The following RCOR1 variants were observed in gnomAD, a reference collection of about 807,000 sequenced individuals.
RCOR1 encodes the protein REST corepressor.
A neutral mutation model predicts 64.0 loss-of-function variants in RCOR1; 12 were observed. The ratio of observed to expected loss-of-function variants is 0.19; its 90% confidence interval spans 0.12 to 0.30. The LOEUF (loss-of-function observed/expected upper bound fraction) is 0.30. Among genes scored for constraint, RCOR1 ranks in the 10% least tolerant of loss-of-function variants. The pLI, the probability that RCOR1 is intolerant of heterozygous loss-of-function variation, is 1.00. For missense variants in RCOR1, 502 were observed against 621.2 expected (o/e 0.81, Z 2.04); for synonymous variants, 279 against 227.2 (o/e 1.23, Z -2.05).
chr14:102,593,756 C>T (rs1337654367), intron 2 of RCOR1, among the ~76,000 whole-genome samples: 1 of 152,206 alleles, frequency 6.6e-6, no homozygotes, highest in Non-Finnish European at 1.5e-5. Flanking sequence ...TTCCCAAAGG[C>T]TGCTCCCCAC....
intron 2 of RCOR1, among the ~76,000 whole-genome samples, chr14:102,625,035 T>TA (rs149082514): frequency 0.036 from 5,366 of 149,550 alleles, 319 homozygotes; most frequent in African/African-American, 0.12. Context: ...CCTGGCTAAT[T>TA]AAAAAAGAAA....
At chr14:102,700,810 T>C (rs1895741334) in intron 3 of RCOR1, among the ~76,000 whole-genome samples, 1 of 152,014 alleles carries the variant, frequency 6.6e-6, no homozygotes, top group Non-Finnish European at 1.5e-5. Flanking sequence ...TTTAGTCTTG[T>C]ACAGGACAAG....
At chr14:102,667,488 G>A (rs748021257) in intron 2 of RCOR1, among the ~76,000 whole-genome samples, 3 of 151,916 alleles carry the variant, frequency 2.0e-5, no homozygotes, top group Non-Finnish European at 2.9e-5. Context: ...GCAACAGAGT[G>A]AGACTCTGTC....
rs181425633 is a variant in RCOR1 at position 102,695,134 on chromosome 14, T to G, written c.446-6144T>G. Among the ~76,000 whole-genome samples the G allele has an allele frequency of 1.6e-3, 249 of 152,312 alleles. 1 individual carries two copies. Among genetic ancestry groups the G allele is most frequent in the African/African-American group, 5.6e-3 (232 of 41,568 alleles). On this transcript the variant is annotated intron_variant, in intron 3 of 11. Coordinates refer to ENST00000262241, the MANE Select transcript of RCOR1 (RefSeq NM_015156.4). ...TTTCATCTGCATTTCTCCCTTCTTT[T>G]GCACTTGAGACTTACTGAGGGTACT... is the stretch of plus-strand genomic sequence containing the variant.
intron 2 of RCOR1, among the ~76,000 whole-genome samples, chr14:102,641,902 T>A (rs1894377459): frequency 6.6e-6 from 1 of 152,176 alleles, no homozygotes; most frequent in African/African-American, 2.4e-5. Flanking sequence ...GTATCTTCAT[T>A]TATTACCTTT....
intron 2 of RCOR1, among the ~76,000 whole-genome samples, chr14:102,602,487 T>C (rs985459920): frequency 2.7e-5 from 4 of 147,968 alleles, no homozygotes; most frequent in Non-Finnish European, 4.5e-5. Context: ...CACTGTAACC[T>C]CCGCCTCCCC....
intron 3 of RCOR1, among the ~76,000 whole-genome samples, chr14:102,698,996 G>A (rs540323000): frequency 6.6e-6 from 1 of 151,976 alleles, no homozygotes; most frequent in East Asian, 1.9e-4. Flanking sequence ...TTGGCTCACT[G>A]CAACCTCAGC....
At chr14:102,621,651 G>A (rs1893875915) in intron 2 of RCOR1, among the ~76,000 whole-genome samples, 1 of 152,040 alleles carries the variant, frequency 6.6e-6, no homozygotes, top group African/African-American at 2.4e-5. Context: ...CTCAACAAGG[G>A]TAGGGCTCTT....
At chr14:102,694,136 C>T (rs1394332693) in intron 3 of RCOR1, among the ~76,000 whole-genome samples, 5 of 152,218 alleles carry the variant, frequency 3.3e-5, no homozygotes, top group African/African-American at 1.2e-4. Context: ...GCCCTACCAG[C>T]AACTACTGGT....
chr14:102,678,912 C>A (rs902866478), intron 2 of RCOR1, among the ~76,000 whole-genome samples: 8 of 152,214 alleles, frequency 5.3e-5, no homozygotes, highest in African/African-American at 1.4e-4. Flanking sequence ...CTAATATACC[C>A]CCTTTATATC....
At chr14:102,705,363 C>T (rs1052904166) in intron 4 of RCOR1, among the ~76,000 whole-genome samples, 1 of 152,160 alleles carries the variant, frequency 6.6e-6, no homozygotes, top group Non-Finnish European at 1.5e-5. Context: ...TCATTTTGAG[C>T]ATAACTGTAC....
chr14:102,611,264 G>A (rs544654232), intron 2 of RCOR1, among the ~76,000 whole-genome samples: 12 of 152,072 alleles, frequency 7.9e-5, no homozygotes, highest in Non-Finnish European at 4.4e-5. Context: ...GTAGAGATAG[G>A]GTTTCACCAT....
chr14:102,697,644 T>TC (rs139019675), intron 3 of RCOR1, among the ~76,000 whole-genome samples: 15,304 of 152,198 alleles, frequency 0.1, 819 homozygotes, highest in Middle Eastern at 0.17. Context: ...ACACCATGTG[T>TC]CTTCATTTAA....
At chr14:102,681,049 A>G (rs1322017702) in intron 2 of RCOR1, among the ~76,000 whole-genome samples, 1 of 152,220 alleles carries the variant, frequency 6.6e-6, no homozygotes, top group African/African-American at 2.4e-5. Context: ...AAAATTAAAG[A>G]TGGGAGATCT....
intron 3 of RCOR1, among the ~76,000 whole-genome samples, chr14:102,694,981 G>A (rs1334909325): frequency 6.6e-6 from 1 of 152,136 alleles, no homozygotes; most frequent in Non-Finnish European, 1.5e-5. Flanking sequence ...AAGGCTATAA[G>A]CCTTGTCATC....
intron 2 of RCOR1, among the ~76,000 whole-genome samples, chr14:102,632,718 CTTT>C: frequency 1.1e-5 from 1 of 92,396 alleles, no homozygotes; most frequent in African/African-American, 4.8e-5. Flanking sequence ...TTTTCCTTTC[CTTT>C]CCTTTCTTCT....
At chr14:102,596,379 A>T (rs528042102) in intron 2 of RCOR1, among the ~76,000 whole-genome samples, 1 of 152,182 alleles carries the variant, frequency 6.6e-6, no homozygotes, top group Non-Finnish European at 1.5e-5. Flanking sequence ...CTGGGATTAC[A>T]GGGGTGAGCC....
At position 102,658,609 on chromosome 14, in the gene RCOR1, A is replaced by G. The variant is rs150432707; in HGVS notation, c.362-23286A>G. On this transcript the variant is annotated intron_variant, in intron 2 of 11. Coordinates refer to ENST00000262241, the MANE Select transcript of RCOR1 (RefSeq NM_015156.4). ...ACCCCCCATCCTTTTCCTGTATGCT[A>G]TGGATTATCAGACCCCTCACTTGGG... The G allele has an allele frequency of 2.2e-4, 213 of 985,380 alleles. No individual in the cohort carries two copies. In the African/African-American group the frequency reaches 3.3e-3, roughly 15 times the overall value. 61.0% of individuals were successfully genotyped at this position (985,380 alleles called of 1,614,324 possible).
chr14:102,656,983 C>T (rs1264979554), intron 2 of RCOR1: 22 of 484,056 alleles, frequency 4.5e-5, no homozygotes, highest in Non-Finnish European at 5.6e-5. Context: ...CCATGTTGGC[C>T]AGGATGGTCG....
Sources: gnomAD v4.1 joint callset for allele counts (sites outside exome capture counted in the v4.1 genomes callset) on GRCh38, gnomAD v4.1.1 for gene constraint, MANE v1.5 for transcripts, NCBI Gene and HGNC (gene_info 2026-07-23, HGNC 2026-07-21) for gene names.